Variants in ARHGAP15 observed in about 807,000 individuals in gnomAD.
The protein encoded by ARHGAP15 is rho GTPase-activating protein 15.
In ARHGAP15, 51 loss-of-function variants were observed where a neutral mutation model predicts 63.7. The ratio of observed to expected loss-of-function variants is 0.80; its 90% CI spans 0.64 to 1.01. ARHGAP15 has a LOEUF of 1.01. Ranked by LOEUF, ARHGAP15 falls within the 50% of genes least tolerant of loss-of-function variation. ARHGAP15 has a pLI of 0.00. For synonymous variants in ARHGAP15, 191 were observed against 193.8 expected, an observed-to-expected ratio of 0.99 and a Z score of 0.12; for missense variants, 560 against 564.6, an observed-to-expected ratio of 0.99 and a Z score of 0.08.
chr2:143,456,501 AAAG>A (rs1322433334), intron 8 of ARHGAP15, among the ~76,000 whole-genome samples: 41 of 152,182 alleles, frequency 2.7e-4, no homozygotes, highest in Non-Finnish European at 7.4e-5. Context: ...TCCCTTCCAA[AAAG>A]AAAAAAATTG....
intron 13 of ARHGAP15, among the ~76,000 whole-genome samples, chr2:143,704,526 A>G (rs1684239403): frequency 6.6e-6 from 1 of 152,182 alleles, no homozygotes; most frequent in South Asian, 2.1e-4. Context: ...AGAGATGGGT[A>G]AAACTGCAGA....
intron 6 of ARHGAP15, among the ~76,000 whole-genome samples, chr2:143,270,669 T>C (rs950045601): frequency 6.6e-6 from 1 of 152,208 alleles, no homozygotes; most frequent in Admixed American, 6.5e-5. Flanking sequence ...ATTGACATAG[T>C]ATTACTGTTT....
intron 2 of ARHGAP15, among the ~76,000 whole-genome samples, chr2:143,159,414 G>A (rs1457189934): frequency 1.3e-5 from 2 of 151,850 alleles, no homozygotes; most frequent in African/African-American, 4.8e-5. Flanking sequence ...AGATTGTAGG[G>A]CTTGTCCATG....
chr2:143,435,381 C>A (rs964916973), intron 6 of ARHGAP15: 1 of 1,152,944 alleles, frequency 8.7e-7, no homozygotes, highest in Non-Finnish European at 1.1e-6. Flanking sequence ...CTTAATCGTT[C>A]TATTATTAAA....
chr2:143,689,560 C>T (rs1683500638), intron 12 of ARHGAP15, among the ~76,000 whole-genome samples: 1 of 152,168 alleles, frequency 6.6e-6, no homozygotes, highest in South Asian at 2.1e-4. Context: ...TCAGCTCCAG[C>T]CTTAGCATTT....
chr2:143,585,951 T>C (rs956186055), intron 11 of ARHGAP15, among the ~76,000 whole-genome samples: 2 of 152,162 alleles, frequency 1.3e-5, no homozygotes, highest in Non-Finnish European at 2.9e-5. Context: ...CAGTTACTTT[T>C]CCAGAAAGAA....
intron 6 of ARHGAP15, among the ~76,000 whole-genome samples, chr2:143,299,469 T>C (rs377461492): frequency 2.6e-5 from 4 of 152,018 alleles, no homozygotes; most frequent in African/African-American, 9.7e-5. Context: ...TATAAACATA[T>C]ATTACATTAT....
chr2:143,600,133 G>C lies in ARHGAP15; in HGVS notation c.1004-24000G>C, dbSNP rs1460974230. On this transcript the variant is annotated intron_variant, in intron 11 of 13. Coordinates refer to ENST00000295095, the MANE Select transcript of ARHGAP15 (RefSeq NM_018460.4). ...TATTTACTTAAAATTTTTCTTGTCG[G>C]CCTGATTTGGCTATATTTTCAAAAT... 5.3e-5 allele frequency among the ~76,000 whole-genome samples: 8 copies of C among 152,182 alleles called. No homozygotes were observed. The East Asian group carries it at 1.5e-3, about 29-fold the overall frequency.
rs534834613 is a variant in ARHGAP15, at chr2:143,628,681, C to T, written c.1138+4414C>T. ...TCCAGCCTGGAGAAGGTAGTGGCTT[C>T]CTGATGTGTCTACTTTCTTGGTTAC... On this transcript the variant is annotated intron_variant, in intron 12 of 13. Transcript: ENST00000295095. Among the ~76,000 whole-genome samples the T allele has an allele frequency of 1.2e-3, 178 of 152,222 alleles. 1 individual carries two copies. The highest frequency in any genetic ancestry group is 2.4e-3 in the Admixed American group (36 of 15,290).
chr2:143,149,817 A>G (rs1158077454), intron 1 of ARHGAP15, among the ~76,000 whole-genome samples: 1 of 151,990 alleles, frequency 6.6e-6, no homozygotes, highest in Non-Finnish European at 1.5e-5. Context: ...TAGGTTCCAT[A>G]TTTGTTTTTC....
At chr2:143,443,614 C>T (rs555507299) in intron 8 of ARHGAP15, among the ~76,000 whole-genome samples, 258 of 151,954 alleles carry the variant, frequency 1.7e-3, no homozygotes, top group Admixed American at 3.2e-3. Context: ...TTGTTTTTCA[C>T]AGGTTGAGAG....
intron 6 of ARHGAP15, among the ~76,000 whole-genome samples, chr2:143,286,717 T>G (rs1291243630): frequency 6.6e-6 from 1 of 152,166 alleles, no homozygotes; most frequent in African/African-American, 2.4e-5. Context: ...AAATCATAAA[T>G]TTGTTATTTT....
intron 6 of ARHGAP15, among the ~76,000 whole-genome samples, chr2:143,282,539 C>T (rs780516834): frequency 2.0e-4 from 31 of 152,054 alleles, no homozygotes; most frequent in Non-Finnish European, 4.3e-4. Context: ...CGCAGAACAG[C>T]ACAAGAAAGA....
At chr2:143,346,204 A>G (rs62170425) in intron 6 of ARHGAP15, among the ~76,000 whole-genome samples, 1 of 144,626 alleles carries the variant, frequency 6.9e-6, no homozygotes, top group Non-Finnish European at 1.5e-5. Flanking sequence ...TCTCTCTCTC[A>G]CACACACACT....
chr2:143,205,854 G>A (rs1692309942), intron 3 of ARHGAP15, among the ~76,000 whole-genome samples: 1 of 151,924 alleles, frequency 6.6e-6, no homozygotes, highest in Non-Finnish European at 1.5e-5. Flanking sequence ...GTGCCCATAT[G>A]CTTCTCCTTG....
intron 10 of ARHGAP15, 31 bp from the exon 11 acceptor site, chr2:143,556,377 G>T: frequency 1.3e-6 from 2 of 1,519,586 alleles, no homozygotes; most frequent in Non-Finnish European, 9.0e-7. Flanking sequence ...TCCTATATGT[G>T]CTAATATAAA....
At chr2:143,444,684 A>G (rs1690052899) in intron 8 of ARHGAP15, among the ~76,000 whole-genome samples, 1 of 152,170 alleles carries the variant, frequency 6.6e-6, no homozygotes. Flanking sequence ...TGGGGGAAAA[A>G]AAAAATCCGT....
intron 8 of ARHGAP15, among the ~76,000 whole-genome samples, chr2:143,454,514 T>G (rs1429680955): frequency 1.3e-5 from 2 of 152,032 alleles, no homozygotes; most frequent in Non-Finnish European, 2.9e-5. Context: ...TCTGATCTTC[T>G]TCCACTGAAC....
chr2:143,747,004 T>C (rs185810953), intron 13 of ARHGAP15, among the ~76,000 whole-genome samples: 5 of 149,032 alleles, frequency 3.4e-5, no homozygotes, highest in African/African-American at 1.0e-4. Flanking sequence ...ATCTTTTAAC[T>C]TTTTTTTTGT....
Sources: allele counts gnomAD v4.1 joint callset (sites outside exome capture counted in the v4.1 genomes callset), GRCh38; gene constraint gnomAD v4.1.1; transcripts MANE v1.5; gene names NCBI Gene and HGNC (gene_info 2026-07-23, HGNC 2026-07-21).